FAN1: variants seen among roughly 807,000 people sequenced by gnomAD.
The protein encoded by FAN1 is FANCD2 and FANCI associated nuclease 1.
In FAN1, 91 loss-of-function variants were observed where a neutral mutation model predicts 104.9. The observed-to-expected ratio is 0.87, with a 90% CI of 0.73 to 1.03. The LOEUF (loss-of-function observed/expected upper bound fraction) is 1.03. Ranked by LOEUF, FAN1 falls within the 50% of genes least tolerant of loss-of-function variation. The pLI, the probability that FAN1 is intolerant of heterozygous loss-of-function variation, is 0.00. For missense variants in FAN1, 1,263 were observed against 1,239.9 expected (o/e 1.02, Z -0.28); for synonymous variants, 478 against 457.6 (o/e 1.04, Z -0.57).
At chr15:30,922,776 T>C (rs1477319431) in intron 8 of FAN1, among the ~76,000 whole-genome samples, 1 of 152,254 alleles carries the variant, frequency 6.6e-6, no homozygotes, top group Non-Finnish European at 1.5e-5. Flanking sequence ...AAGCGTTCCT[T>C]TCCCTATCTT....
chr15:30,905,086 G>T lies in FAN1; in HGVS notation c.423G>T (p.Glu141Asp). Residue 141 changes from glutamate (E) to aspartate (D), a missense_variant, in exon 2 of 15, where the codon GAG becomes GAT. Physicochemically the swap from Glu to Asp is conservative, Grantham distance 45 (BLOSUM62 2). Around this residue, in one of 2 missense-constraint regions of FAN1, gnomAD observed 682 missense variants for 571.1 expected, o/e 1.19. Coordinates refer to ENST00000362065, the MANE Select transcript of FAN1 (RefSeq NM_014967.5). ...ATGTGGTGTGCAAAAATCAAGATGA[G>T]CTGAGAAATCGTAGTGTGAAAGTCA... ...SNDVVCKNQD[E>D]LRNRSVKVIC... 1.2e-6 allele frequency: 2 copies of T among 1,614,060 alleles called. No individual in the cohort carries two copies. The highest frequency in any genetic ancestry group is 1.7e-6 in the Non-Finnish European group (2 of 1,179,986).
At chr15:30,921,825 T>C (rs1252162004) in intron 7 of FAN1, among the ~76,000 whole-genome samples, 1 of 152,226 alleles carries the variant, frequency 6.6e-6, no homozygotes, top group Non-Finnish European at 1.5e-5. Flanking sequence ...CTCATTACTT[T>C]CCTGCCCACC....
At chr15:30,924,671 C>G (rs1335168924) in intron 8 of FAN1, among the ~76,000 whole-genome samples, 1 of 152,196 alleles carries the variant, frequency 6.6e-6, no homozygotes, top group Non-Finnish European at 1.5e-5. Flanking sequence ...TGGTTCTTGA[C>G]TGCATATGAG....
At chr15:30,939,712 T>G (rs987173758) in intron 14 of FAN1, 1 of 974,360 alleles carries the variant, frequency 1.0e-6, no homozygotes, top group African/African-American at 1.8e-5. Flanking sequence ...TCCAAAACAT[T>G]TAGTAATAAT....
At chr15:30,906,467 C>A (rs1467041097) in intron 2 of FAN1, 2 of 456,720 alleles carry the variant, frequency 4.4e-6, no homozygotes, top group Admixed American at 4.7e-5. Context: ...TGCCTGAAGT[C>A]CTTGGCAGCC....
At position 30,905,047 on chromosome 15, in the gene FAN1, C is replaced by T; in HGVS notation, c.384C>T (p.Tyr128=). The part of the protein sequence containing the change: ...KREVKQKISP[Y]FKSNDVVCKN... ...AAGTAAAGCAGAAGATCAGTCCCTA[C>T]TTTAAAAGTAATGATGTGGTGTGCA... The change falls in exon 2 of 15, where the codon TAC becomes TAT. Residue 128 remains tyrosine, a synonymous_variant. Coordinates refer to ENST00000362065, the MANE Select transcript of FAN1 (RefSeq NM_014967.5). The T allele has an allele frequency of 6.2e-7, 1 of 1,614,038 alleles. No individual in the cohort carries two copies. The highest frequency in any genetic ancestry group is 1.1e-5 in the South Asian group (1 of 91,080).
rs752980350 is a variant in FAN1 at position 30,925,810 on chromosome 15, T to C, written c.2359T>C (p.Cys787Arg). 11 of 1,614,040 alleles carry C rather than the reference T, an allele frequency of 6.8e-6. No individual in the cohort carries two copies. The highest frequency in any genetic ancestry group is 4.0e-5 in the African/African-American group (3 of 74,950). ...VKHVTITGRL[C>R]PQRGMCKSVF... ...TCAGGTGACCATCACAGGCAGGCTG[T>C]GCCCACAGCGTGGGATGTGCAAGTC... Residue 787 changes from cysteine (C) to arginine (R), a missense_variant, in exon 10 of 15, where the codon TGC becomes CGC. Cys to Arg is a radical substitution (Grantham distance 180). This residue lies in a region of FAN1 where 581 missense variants were observed against 668.8 expected (regional missense o/e 0.87). Coordinates refer to ENST00000362065, the MANE Select transcript of FAN1 (RefSeq NM_014967.5).
At chr15:30,941,461 C>A (rs1235818894) in intron 14 of FAN1, 105 bp from the exon 15 acceptor site, 1 of 1,591,048 alleles carries the variant, frequency 6.3e-7, no homozygotes, top group African/African-American at 1.4e-5. Flanking sequence ...GTTCAGAAAA[C>A]ACCCTATTTT....
chr15:30,941,431 T>C (rs770121184), intron 14 of FAN1, 135 bp from the exon 15 acceptor site: 96 of 1,569,730 alleles, frequency 6.1e-5, no homozygotes, highest in Non-Finnish European at 8.1e-5. Flanking sequence ...AGGAAAAAAG[T>C]TGACAGCTTC....
intron 14 of FAN1, chr15:30,940,493 T>C (rs2063006904): frequency 1.0e-6 from 1 of 985,374 alleles, no homozygotes; most frequent in East Asian, 1.1e-4. Context: ...ACCTCATTAG[T>C]TATTTCCAGG....
intron 12 of FAN1, among the ~76,000 whole-genome samples, chr15:30,930,114 G>T (rs1222816823): frequency 6.7e-6 from 1 of 150,002 alleles, no homozygotes; most frequent in Non-Finnish European, 1.5e-5. Context: ...AAACATACTA[G>T]GGTGTTAGAA....
intron 14 of FAN1, chr15:30,940,184 T>TGG (rs1328939949): frequency 2.9e-5 from 29 of 985,350 alleles, no homozygotes; most frequent in Non-Finnish European, 3.5e-5. Context: ...ATGAGGAGTG[T>TGG]GGGGGAGGTG....
Position 30,925,997 on chromosome 15 carries a change from T to C in FAN1, c.2488+58T>C, listed in dbSNP as rs2062453337. 6 of 1,567,140 alleles carry C rather than the reference T, an allele frequency of 3.8e-6. No individual in the cohort carries two copies. The East Asian group carries it at 1.3e-4, about 35-fold the overall frequency. Reference sequence around the variant, plus strand: ...GCCCCGGGTGGACGAGCAGCAGCACTGGATGGGCTGTCAGCAGTGGGCTGC... The same window carrying C: ...GCCCCGGGTGGACGAGCAGCAGCACCGGATGGGCTGTCAGCAGTGGGCTGC... On this transcript the variant is annotated intron_variant, in intron 10 of 14. Coordinates refer to ENST00000362065, the MANE Select transcript of FAN1 (RefSeq NM_014967.5).
chr15:30,905,865 A>C lies in FAN1; in HGVS notation c.1202A>C (p.Lys401Thr), dbSNP rs150484853. ...DDMLLFDEQE[K>T]GIVTKFYQLS... ...ATGTTGCTCTTTGATGAGCAGGAGA[A>C]GGGAATTGTAACTAAATTTTATCAG... The change falls in exon 2 of 15, where the codon AAG becomes ACG. Residue 401 changes from lysine to threonine, a missense_variant. Lys to Thr is a moderately conservative substitution (Grantham distance 78). Around this residue, in one of 2 missense-constraint regions of FAN1, gnomAD observed 682 missense variants for 571.1 expected, o/e 1.19. Coordinates refer to ENST00000362065, the MANE Select transcript of FAN1 (RefSeq NM_014967.5). 17 of 1,613,380 alleles carry C rather than the reference A, an allele frequency of 1.1e-5. No homozygotes were observed. In the African/African-American group the frequency reaches 2.3e-4, roughly 22 times the overall value.
In FAN1 at chr15:30,920,725, G is replaced by A. The variant is rs902283661; in HGVS notation, c.2052+72G>A. 15 of 848,004 alleles carry A rather than the reference G, an allele frequency of 1.8e-5. No individual in the cohort carries two copies. The East Asian group carries it at 1.8e-4, about 10-fold the overall frequency. The allele number at this position is 848,004 out of a possible 1,614,324, so 52.5% of individuals were successfully genotyped here. A position where few individuals can be genotyped will look rare whatever the true frequency, so the allele number is the denominator to read the frequency against. On this transcript the variant is annotated intron_variant, in intron 7 of 14. Coordinates refer to ENST00000362065, the MANE Select transcript of FAN1 (RefSeq NM_014967.5). ...TTAAACATGTGAAGGGACAGCTGTCGGGCTCTCAGCATTTCCTGCTTATTT... is the reference window on the plus strand; with the variant it reads ...TTAAACATGTGAAGGGACAGCTGTCAGGCTCTCAGCATTTCCTGCTTATTT...
chr15:30,927,897 T>C, intron 10 of FAN1: 1 of 985,754 alleles, frequency 1.0e-6, no homozygotes, highest in African/African-American at 1.7e-5. Context: ...ACCTGACTTC[T>C]GTCTCTCAGG....
At chr15:30,940,909 A>G in intron 14 of FAN1, 1 of 1,032,268 alleles carries the variant, frequency 9.7e-7, no homozygotes, top group Middle Eastern at 4.8e-4. Context: ...TTAAAAGCAA[A>G]CTCATGATTT....
chr15:30,911,068 T>A, intron 4 of FAN1: 1 of 1,222,962 alleles, frequency 8.2e-7, no homozygotes, highest in Non-Finnish European at 1.0e-6. Context: ...TAAATTGTAG[T>A]ATTTTATTTT....
intron 14 of FAN1, chr15:30,938,929 C>T (rs2062946358): frequency 1.9e-5 from 19 of 985,380 alleles, no homozygotes; most frequent in Non-Finnish European, 2.2e-5. Flanking sequence ...TGATTTCATA[C>T]TGACAACAAC....
Sources: gnomAD v4.1 joint callset for allele counts (sites outside exome capture counted in the v4.1 genomes callset) on GRCh38, gnomAD v4.1.1 for gene constraint, gnomAD v4.1.1 regional missense constraint, MANE v1.5 for transcripts, NCBI Gene and HGNC (gene_info 2026-07-23, HGNC 2026-07-21) for gene names.